Variants in RRM2 observed in about 807,000 individuals in gnomAD.
RRM2 encodes ribonucleotide reductase regulatory subunit M2, also known as ribonucleoside-diphosphate reductase subunit M2.
Under a neutral mutation model 45.9 loss-of-function variants are expected in RRM2, and 6 were observed. The observed-to-expected ratio is 0.13, with a 90% confidence interval of 0.07 to 0.26. The LOEUF (loss-of-function observed/expected upper bound fraction) is 0.26, where lower values mean the gene tolerates loss of function less well. Among genes scored for constraint, RRM2 ranks in the 10% least tolerant of loss-of-function variants. The pLI is 1.00. For missense variants in RRM2, 343 were observed against 489.5 expected, an observed-to-expected ratio of 0.70 and a Z score of 2.82; for synonymous variants, 177 against 173.0, an observed-to-expected ratio of 1.02 and a Z score of -0.18.
intron 3 of RRM2, among the ~76,000 whole-genome samples, chr2:10,187,104 T>C (rs1338844413): frequency 6.6e-6 from 1 of 152,206 alleles, no homozygotes; most frequent in Admixed American, 6.5e-5. Flanking sequence ...CTGCATGGCG[T>C]TTCCTGCCGG....
chr2:10,208,953 A>G (rs1171303611), intron 3 of RRM2, among the ~76,000 whole-genome samples: 2 of 151,712 alleles, frequency 1.3e-5, no homozygotes, highest in Non-Finnish European at 2.9e-5. Flanking sequence ...CACGTGCTGG[A>G]TCCTGCCTGT....
At chr2:10,191,322 G>A (rs1664302507) in intron 3 of RRM2, among the ~76,000 whole-genome samples, 1 of 152,214 alleles carries the variant, frequency 6.6e-6, no homozygotes, top group Non-Finnish European at 1.5e-5. Flanking sequence ...ACCTTGGCAT[G>A]CTCCTTGACC....
upstream of RRM2, among the ~76,000 whole-genome samples, chr2:10,140,744 C>T (rs529031049): frequency 3.5e-4 from 53 of 152,260 alleles, 1 homozygote; most frequent in African/African-American, 1.2e-3. Context: ...AGGTGTCCCA[C>T]GTGGAGAAAT....
chr2:10,203,721 A>C (rs1444658057), intron 3 of RRM2, among the ~76,000 whole-genome samples: 1 of 152,046 alleles, frequency 6.6e-6, no homozygotes. Context: ...ATCGCACTCC[A>C]GCCTGGGTGA....
At position 10,185,191 on chromosome 2, in the gene RRM2, A is replaced by G. The variant is rs1011358195; in HGVS notation, n.483-25120A>G. Among the ~76,000 whole-genome samples the G allele has an allele frequency of 2.6e-5, 4 of 152,092 alleles. No individual in the cohort carries two copies. Among genetic ancestry groups the G allele is most frequent in the African/African-American group, 9.7e-5 (4 of 41,394 alleles). On this transcript the variant is annotated intron_variant and non_coding_transcript_variant, in intron 3 of 3. Coordinates refer to the RRM2 transcript ENST00000381786. The surrounding 1 kb of genome is among the most constrained non-coding windows in gnomAD (Gnocchi z 4.3). Reference sequence around the variant, plus strand: ...GCTTTGGATTTCCTCCACGCAGAGGAGAATCAGTATGCAGCTGTTAATTTT... The same window carrying G: ...GCTTTGGATTTCCTCCACGCAGAGGGGAATCAGTATGCAGCTGTTAATTTT...
chr2:10,186,962 G>T (rs888632571), intron 3 of RRM2, among the ~76,000 whole-genome samples: 2 of 152,254 alleles, frequency 1.3e-5, no homozygotes, highest in Non-Finnish European at 2.9e-5. Flanking sequence ...GGACCCAGGA[G>T]CTCTGGTGCC....
intron 3 of RRM2, among the ~76,000 whole-genome samples, chr2:10,209,033 C>CTTTCTTTCTTTCTTTCTTTCT (rs1664711376): frequency 1.1e-5 from 1 of 87,112 alleles, no homozygotes; most frequent in East Asian, 2.5e-4. Context: ...AAAGTGGTTT[C>CTTTCTTTCTTTCTTTCTTTCT]TTTCTTTCTT....
At position 10,126,902 on chromosome 2, in the gene RRM2, G is replaced by A. The variant is rs764902245; in HGVS notation, c.597G>A (p.Thr199=). The change falls in exon 6 of 10, where the codon ACG becomes ACA. Residue 199 remains threonine (T), a synonymous_variant. Coordinates refer to ENST00000304567, the MANE Select transcript of RRM2 (RefSeq NM_001034.4). Reference sequence around the variant, plus strand: ...AATTTCTCTTCAATGCCATTGAAACGATGCCTTGTGTCAAGAAGAAGGCAG... The same window carrying A: ...AATTTCTCTTCAATGCCATTGAAACAATGCCTTGTGTCAAGAAGAAGGCAG... The part of the protein sequence containing the change: ...EREFLFNAIE[T]MPCVKKKADW... 6 of 1,614,082 alleles carry A rather than the reference G, an allele frequency of 3.7e-6. 1 individual carries two copies. The highest frequency in any genetic ancestry group is 1.7e-4 in the Middle Eastern group (1 of 6,058).
intron 3 of RRM2, among the ~76,000 whole-genome samples, chr2:10,156,785 C>T (rs1023207336): frequency 6.6e-6 from 1 of 152,166 alleles, no homozygotes; most frequent in Non-Finnish European, 1.5e-5. Flanking sequence ...ATTACAGGCC[C>T]ACGCCACCAC....
chr2:10,145,956 C>T (rs1663178087), intron 3 of RRM2: 1 of 152,276 alleles, frequency 6.6e-6, no homozygotes, highest in Non-Finnish European at 1.5e-5. Context: ...CCCCCTGGGT[C>T]TCGCTCACAT....
At chr2:10,141,886 GAGTCCAGGCCCTCGGGGAGAC>G in exon 2 of RRM2, 1 of 1,570,742 alleles carries the variant, frequency 6.4e-7, no homozygotes, top group Non-Finnish European at 8.6e-7. Context: ...AAAGCAGATG[GAGTCCAGGCCCTCGGGGAGAC>G]AGCACGCCAG....
In RRM2 at chr2:10,171,567, A is replaced by C. The variant is rs1663806369; in HGVS notation, n.482+29192A>C. Among the ~76,000 whole-genome samples, 2 of 152,140 alleles carry C rather than the reference A, an allele frequency of 1.3e-5. No homozygotes were observed. Among genetic ancestry groups the C allele is most frequent in the African/African-American group, 4.8e-5 (2 of 41,440 alleles). ...CCCGGTCAGTGCCAGAGTCTCCCTA[A>C]TGTGGCCTGTGAGACAGAGCTGATG... On this transcript the variant is annotated intron_variant and non_coding_transcript_variant, in intron 3 of 3. Coordinates refer to the RRM2 transcript ENST00000381786. This position sits in a 1 kb window ranked among gnomAD's most constrained non-coding sequence, Gnocchi z 4.1.
At chr2:10,157,275 C>T (rs936354254) in intron 3 of RRM2, among the ~76,000 whole-genome samples, 13 of 152,162 alleles carry the variant, frequency 8.5e-5, no homozygotes, top group African/African-American at 3.1e-4. Context: ...GGTGATCTGC[C>T]TGCCTCTGCT....
chr2:10,200,513 CCACAGGGA>C lies in RRM2; in HGVS notation n.483-9796_483-9789del, dbSNP rs1236709764. ...GCACCGCGCACACAAAATATGAGGC[CCACAGGGA>C]CTGCGCGCACAAATTATGAGTCCCA... On this transcript the variant is annotated intron_variant and non_coding_transcript_variant, in intron 3 of 3. Coordinates refer to the RRM2 transcript ENST00000381786. Among the ~76,000 whole-genome samples the C allele has an allele frequency of 1.3e-4, 2 of 15,882 alleles. 1 individual carries two copies. Among genetic ancestry groups the C allele is most frequent in the East Asian group, 7.5e-3 (2 of 268 alleles). The allele number at this position is 15,882 out of a possible 152,430, so 10.4% of individuals were successfully genotyped here.
At chr2:10,175,008 T>C (rs1303727541) in intron 3 of RRM2, among the ~76,000 whole-genome samples, 2 of 152,238 alleles carry the variant, frequency 1.3e-5, no homozygotes, top group African/African-American at 2.4e-5. Flanking sequence ...AGAAAGTCCC[T>C]GCTAACATGC....
In RRM2 at chr2:10,122,827, C is replaced by T. The variant is rs1247059486; in HGVS notation, c.29C>T (p.Pro10Leu). Residue 10 changes from proline (P) to leucine (L), a missense_variant, in exon 1 of 10, where the codon CCC (proline) becomes CTC (leucine). This residue lies in a region of RRM2 where 131 missense variants were observed against 121.4 expected (regional missense o/e 1.08). Transcript: ENST00000304567. ...CTCTCCCTCCGTGTCCCGCTCGCGC[C>T]CATCACGGACCCGCAGCAGCTGCAG... MLSLRVPLA[P>L]ITDPQQLQLS... The T allele has an allele frequency of 6.3e-6, 10 of 1,599,182 alleles. No homozygotes were observed. The highest frequency in any genetic ancestry group is 8.5e-6 in the Non-Finnish European group (10 of 1,174,562).
intron 3 of RRM2, among the ~76,000 whole-genome samples, chr2:10,170,700 A>G (rs959259127): frequency 1.3e-5 from 2 of 152,022 alleles, no homozygotes; most frequent in African/African-American, 4.8e-5. Context: ...CTTCTCTCCA[A>G]CCTGCTTTCT....
rs1414774756 is a variant in RRM2, at chr2:10,130,536, C to G, written c.*1150C>G. On this transcript the variant is annotated 3_prime_UTR_variant, in exon 10 of 10. Transcript: ENST00000304567. The stretch of plus-strand genomic sequence containing the variant: ...TGTCTTATTCTGGCATTGTCTAAAT[C>G]TGAGCATTGTCTAGGGGGATCTTAA... The G allele has an allele frequency of 6.6e-6, 1 of 152,078 alleles. No individual in the cohort carries two copies. Among genetic ancestry groups the G allele is most frequent in the Non-Finnish European group, 1.5e-5 (1 of 68,018 alleles). 9.4% of individuals were successfully genotyped at this position (152,078 alleles called of 1,614,324 possible).
chr2:10,175,869 G>T (rs1163859710), intron 3 of RRM2, among the ~76,000 whole-genome samples: 14 of 151,954 alleles, frequency 9.2e-5, no homozygotes, highest in African/African-American at 3.4e-4. Flanking sequence ...GCCTCCCAAA[G>T]TGCTGGGATT....
Sources: gnomAD v4.1 joint callset for allele counts (sites outside exome capture counted in the v4.1 genomes callset) on GRCh38, gnomAD v4.1.1 for gene constraint, gnomAD v4.1.1 regional missense constraint, Gnocchi (gnomAD v3.1) non-coding constraint, MANE v1.5 for transcripts, NCBI Gene and HGNC (gene_info 2026-07-23, HGNC 2026-07-21) for gene names.